The following COL24A1 variants were observed in gnomAD, a reference collection of about 807,000 sequenced individuals.
COL24A1 encodes collagen alpha-1(XXIV) chain.
In COL24A1, 224 loss-of-function variants were observed where a neutral mutation model predicts 253.9. That is an observed-to-expected ratio of 0.88 (90% CI 0.79 to 0.99). The LOEUF (loss-of-function observed/expected upper bound fraction) is 0.99. Ranked by LOEUF, COL24A1 falls within the 50% of genes least tolerant of loss-of-function variation. COL24A1 has a pLI of 0.00. For missense variants in COL24A1, 2,131 were observed against 2,068.5 expected (o/e 1.03, Z -0.59); for synonymous variants, 685 against 673.7 (o/e 1.02, Z -0.26).
chr1:85,900,890 CAT>C (rs1414707189), intron 28 of COL24A1, among the ~76,000 whole-genome samples: 2 of 151,832 alleles, frequency 1.3e-5, no homozygotes, highest in Non-Finnish European at 1.5e-5. Flanking sequence ...TATTTAGCAC[CAT>C]ATACAAAAAT....
At chr1:85,957,834 G>T (rs570323143) in intron 24 of COL24A1, among the ~76,000 whole-genome samples, 1 of 152,230 alleles carries the variant, frequency 6.6e-6, no homozygotes, top group South Asian at 2.1e-4. Context: ...TACCTTTAGC[G>T]ATTGTTCATT....
chr1:85,938,526 T>C (rs1382633713), intron 24 of COL24A1, among the ~76,000 whole-genome samples: 2 of 146,676 alleles, frequency 1.4e-5, no homozygotes, highest in Non-Finnish European at 3.0e-5. Flanking sequence ...GCTGCAGTGC[T>C]AGGGGCTGTA....
intron 6 of COL24A1, among the ~76,000 whole-genome samples, chr1:86,091,836 A>T (rs1434314056): frequency 6.6e-6 from 1 of 152,120 alleles, no homozygotes; most frequent in Non-Finnish European, 1.5e-5. Flanking sequence ...GATAGTGGTG[A>T]CCGCTTCTCT....
At chr1:86,081,852 C>T (rs1702663030) in intron 7 of COL24A1, among the ~76,000 whole-genome samples, 1 of 152,044 alleles carries the variant, frequency 6.6e-6, no homozygotes, top group African/African-American at 2.4e-5. Context: ...ATATTGGAAC[C>T]AGACAAAGTA....
intron 10 of COL24A1, among the ~76,000 whole-genome samples, chr1:86,057,241 C>T (rs767617141): frequency 3.3e-5 from 5 of 152,128 alleles, no homozygotes; most frequent in Non-Finnish European, 5.9e-5. Flanking sequence ...GTGACATTGT[C>T]TGCTCTCCCT....
chr1:86,077,396 TA>T (rs1702328141), intron 7 of COL24A1, among the ~76,000 whole-genome samples: 1 of 152,178 alleles, frequency 6.6e-6, no homozygotes. Context: ...GGTTGGAGTA[TA>T]AATTAGTTCA....
At chr1:86,030,967 G>A (rs1003446285) in intron 14 of COL24A1, among the ~76,000 whole-genome samples, 1 of 152,066 alleles carries the variant, frequency 6.6e-6, no homozygotes, top group Non-Finnish European at 1.5e-5. Flanking sequence ...AAGACTGAAA[G>A]AAAGGCTATC....
At chr1:86,075,552 C>A (rs1702188127) in intron 7 of COL24A1, among the ~76,000 whole-genome samples, 1 of 152,134 alleles carries the variant, frequency 6.6e-6, no homozygotes, top group Non-Finnish European at 1.5e-5. Flanking sequence ...ATGAGGCCAG[C>A]ATCATCCTGA....
In COL24A1 at chr1:86,105,697, C is replaced by T. The variant is rs555671175; in HGVS notation, c.1599+6870G>A. Among the ~76,000 whole-genome samples, 9 of 152,296 alleles carry T rather than the reference C, an allele frequency of 5.9e-5. No homozygotes were observed. In the South Asian group the frequency reaches 1.9e-3, roughly 32 times the overall value. On this transcript the variant is annotated intron_variant, in intron 5 of 59. Transcript: ENST00000370571. ...CTCCTGTAACACACCCTTTGGGCTC[C>T]ACACTGGCTGAGTGCTGCTCCTACC...
Position 85,771,616 on chromosome 1 carries a change from C to T in COL24A1, c.4374+4058G>A, listed in dbSNP as rs193234820. On this transcript the variant is annotated intron_variant, in intron 53 of 59. Transcript: ENST00000370571. The stretch of plus-strand genomic sequence containing the variant: ...ATTTATAATCCTTTGGGTATATGCC[C>T]AGTAATGGGATTGCTGGGTCAAATG... Among the ~76,000 whole-genome samples, 13 of 152,072 alleles carry T rather than the reference C, an allele frequency of 8.5e-5. No individual in the cohort carries two copies. In the East Asian group the frequency reaches 2.3e-3, roughly 27 times the overall value.
intron 22 of COL24A1, among the ~76,000 whole-genome samples, chr1:85,966,191 A>AACTC (rs1691556538): frequency 6.6e-6 from 1 of 152,116 alleles, no homozygotes; most frequent in Non-Finnish European, 1.5e-5. Flanking sequence ...AACGTGGGAG[A>AACTC]AAGAGAAGAC....
intron 47 of COL24A1, among the ~76,000 whole-genome samples, chr1:85,803,896 A>G (rs1381293075): frequency 6.6e-6 from 1 of 152,210 alleles, no homozygotes; most frequent in Non-Finnish European, 1.5e-5. Context: ...TGAATTGACT[A>G]GAATTTCCAG....
chr1:85,978,030 C>T (rs977566808), intron 20 of COL24A1, among the ~76,000 whole-genome samples: 1 of 152,140 alleles, frequency 6.6e-6, no homozygotes, highest in African/African-American at 2.4e-5. Context: ...CAGCAGATTC[C>T]TCAGCAGAAA....
chr1:85,873,416 T>C (rs1009101479), intron 35 of COL24A1, among the ~76,000 whole-genome samples: 3 of 152,168 alleles, frequency 2.0e-5, no homozygotes, highest in Admixed American at 1.3e-4. Flanking sequence ...CTATTCACTA[T>C]AGCAAAGACT....
chr1:85,887,744 G>A (rs1168949488), intron 32 of COL24A1, among the ~76,000 whole-genome samples: 2 of 152,092 alleles, frequency 1.3e-5, no homozygotes, highest in East Asian at 3.9e-4. Flanking sequence ...GTTTATGGCT[G>A]AAACTCCTAA....
chr1:86,110,743 C>T (rs545547696), intron 5 of COL24A1, among the ~76,000 whole-genome samples: 1 of 152,262 alleles, frequency 6.6e-6, no homozygotes, highest in South Asian at 2.1e-4. Flanking sequence ...GCCCGTGCTG[C>T]GCTCGAATTC....
chr1:85,956,146 C>T (rs1418736986), intron 24 of COL24A1, among the ~76,000 whole-genome samples: 1 of 152,182 alleles, frequency 6.6e-6, no homozygotes, highest in Admixed American at 6.5e-5. Context: ...GGATACATTA[C>T]ATAACTTCAA....
intron 43 of COL24A1, among the ~76,000 whole-genome samples, chr1:85,832,407 G>C (rs1410261368): frequency 6.6e-6 from 1 of 151,920 alleles, no homozygotes; most frequent in African/African-American, 2.4e-5. Context: ...TTGGCAATGT[G>C]GGCTCTTTTT....
rs1423903481 is a variant in COL24A1, at chr1:85,940,372, C to A, written c.2562+20877G>T. On this transcript the variant is annotated intron_variant, in intron 24 of 59. Transcript: ENST00000370571. ...TGAGCCGAGATCGCGCCACTGCACT[C>A]CAGCCTGGGCGACAGAGCGAGACTC... Among the ~76,000 whole-genome samples, 2 of 13,078 alleles carry A rather than the reference C, an allele frequency of 1.5e-4. 1 individual carries two copies. Among genetic ancestry groups the A allele is most frequent in the African/African-American group, 3.8e-4 (2 of 5,280 alleles). 8.6% of individuals were successfully genotyped at this position (13,078 alleles called of 152,430 possible).
Sources: allele counts gnomAD v4.1 joint callset (sites outside exome capture counted in the v4.1 genomes callset), GRCh38; gene constraint gnomAD v4.1.1; transcripts MANE v1.5; gene names NCBI Gene and HGNC (gene_info 2026-07-23, HGNC 2026-07-21).